HMCN1: variants seen among roughly 807,000 people sequenced by gnomAD.
HMCN1 encodes hemicentin 1.
In HMCN1, 321 loss-of-function variants were observed where a neutral mutation model predicts 625.9. The ratio of observed to expected loss-of-function variants is 0.51; its 90% CI spans 0.47 to 0.56. The LOEUF is 0.56. Among genes scored for constraint, HMCN1 ranks in the 20% least tolerant of loss-of-function variants. The pLI is 0.00. For synonymous variants in HMCN1, 2,425 were observed against 2,417.6 expected, an observed-to-expected ratio of 1.00 and a Z score of -0.09; for missense variants, 6,588 against 6,887.3, an observed-to-expected ratio of 0.96 and a Z score of 1.54.
chr1:186,151,700 C>T lies in HMCN1; in HGVS notation c.14853C>T (p.Thr4951=), dbSNP rs1650674909. The T allele has an allele frequency of 6.2e-7, 1 of 1,613,604 alleles. No homozygotes were observed. The highest frequency in any genetic ancestry group is 1.7e-5 in the Admixed American group (1 of 60,012). The change falls in exon 95 of 107, where the codon ACC becomes ACT. Residue 4951 remains threonine, a synonymous_variant. Transcript: ENST00000271588. ...AAGCAGTCAATGGCTTTACCCTCAC[C>T]AATGCAGTCTTCAAAAGAGAAACTC... The part of the protein sequence containing the change: ...IGEAVNGFTL[T]NAVFKRETQV...
intron 4 of HMCN1, 114 bp from the exon 5 acceptor site, chr1:185,909,223 C>A: frequency 1.3e-6 from 1 of 770,060 alleles, no homozygotes; most frequent in Admixed American, 2.0e-5. Context: ...ATAAATTTCA[C>A]ACCAGTCCAG....
chr1:186,174,473 G>C, intron 102 of HMCN1, 41 bp from the exon 103 acceptor site: 1 of 1,611,528 alleles, frequency 6.2e-7, no homozygotes, highest in Non-Finnish European at 8.5e-7. Flanking sequence ...CTTTGGGTTT[G>C]AAAGAGGAAA....
chr1:185,879,472 CAT>C (rs1664159746), intron 4 of HMCN1, among the ~76,000 whole-genome samples: 2 of 152,220 alleles, frequency 1.3e-5, no homozygotes, highest in African/African-American at 2.4e-5. Context: ...TTGCCTGACT[CAT>C]GTGATCTTTT....
At chr1:186,087,768 C>T in intron 60 of HMCN1, 123 bp downstream of exon 60, 2 of 1,169,414 alleles carry the variant, frequency 1.7e-6, no homozygotes, top group Non-Finnish European at 2.5e-6. Context: ...AAATACATAG[C>T]CAATGCCATT....
chr1:186,086,148 AGTCC>A (rs1329905227), intron 57 of HMCN1, 94 bp from the exon 58 acceptor site: 4 of 1,097,800 alleles, frequency 3.6e-6, no homozygotes, highest in Non-Finnish European at 5.5e-6. Flanking sequence ...TCGTTAACTC[AGTCC>A]TTTAGCAGAG....
intron 28 of HMCN1, among the ~76,000 whole-genome samples, chr1:186,003,478 T>C (rs1231011338): frequency 2.0e-5 from 3 of 152,136 alleles, no homozygotes; most frequent in African/African-American, 7.2e-5. Flanking sequence ...ATGAACCCTA[T>C]ACTGTCATAA....
chr1:185,819,610 A>C (rs948965967), intron 1 of HMCN1, among the ~76,000 whole-genome samples: 3 of 152,036 alleles, frequency 2.0e-5, no homozygotes, highest in Non-Finnish European at 4.4e-5. Flanking sequence ...ATAATTTTGC[A>C]CCTGCTTCTT....
At chr1:186,058,689 A>C (rs1028204700) in intron 46 of HMCN1, among the ~76,000 whole-genome samples, 1 of 152,016 alleles carries the variant, frequency 6.6e-6, no homozygotes, top group African/African-American at 2.4e-5. Context: ...TAAACAACTT[A>C]AAAGATTATT....
At chr1:186,068,773 G>A (rs1006842078) in intron 50 of HMCN1, among the ~76,000 whole-genome samples, 1 of 151,536 alleles carries the variant, frequency 6.6e-6, no homozygotes, top group Admixed American at 6.6e-5. Context: ...GGAGGCTGAG[G>A]CAGGAGAATC....
At chr1:185,846,665 G>A (rs547922524) in intron 2 of HMCN1, among the ~76,000 whole-genome samples, 4 of 152,186 alleles carry the variant, frequency 2.6e-5, no homozygotes, top group East Asian at 3.9e-4. Context: ...TGGCTTTTCC[G>A]AGGCTGTTTC....
chr1:186,130,177 G>A, intron 84 of HMCN1, 77 bp downstream of exon 84: 1 of 1,560,520 alleles, frequency 6.4e-7, no homozygotes, highest in Non-Finnish European at 8.8e-7. Context: ...TTATTTTATG[G>A]TAATAAAATA....
At chr1:186,081,639 C>T (rs972331240) in intron 56 of HMCN1, among the ~76,000 whole-genome samples, 2 of 152,124 alleles carry the variant, frequency 1.3e-5, no homozygotes, top group African/African-American at 4.8e-5. Flanking sequence ...CCTCAATTGA[C>T]TACAATATGG....
chr1:185,994,488 TTTACAA>T, intron 23 of HMCN1, among the ~76,000 whole-genome samples: 1 of 152,288 alleles, frequency 6.6e-6, no homozygotes, highest in South Asian at 2.1e-4. Context: ...GCTAAAATTA[TTTACAA>T]ATTAAAAGAA....
At chr1:185,933,111 AC>A (rs1394912302) in intron 10 of HMCN1, among the ~76,000 whole-genome samples, 4 of 151,382 alleles carry the variant, frequency 2.6e-5, no homozygotes, top group African/African-American at 9.7e-5. Flanking sequence ...TGAGACTGTA[AC>A]CCCCCTTAAA....
intron 36 of HMCN1, among the ~76,000 whole-genome samples, chr1:186,034,500 A>G (rs1037895179): frequency 5.3e-5 from 8 of 152,214 alleles, no homozygotes; most frequent in Non-Finnish European, 8.8e-5. Context: ...CTGGTTAAAT[A>G]AAGTCAAATC....
Position 185,782,714 on chromosome 1 carries a change from C to T in HMCN1, c.268+47667C>T, listed in dbSNP as rs142304404. 9.0e-3 allele frequency among the ~76,000 whole-genome samples: 1,374 copies of T among 152,308 alleles called. 14 individuals carry two copies. The highest frequency in any genetic ancestry group is 0.029 in the African/African-American group (1,219 of 41,566). ...CTTGTAGAGTTTCTGCTGAGAGATC[C>T]GCTGTTAGTCTGATGGGCTTCCCTT... On this transcript the variant is annotated intron_variant, in intron 1 of 106. Coordinates refer to ENST00000271588, the MANE Select transcript of HMCN1 (RefSeq NM_031935.3).
chr1:185,863,481 G>T (rs181603076), intron 2 of HMCN1, among the ~76,000 whole-genome samples: 1 of 152,286 alleles, frequency 6.6e-6, no homozygotes, highest in East Asian at 1.9e-4. Context: ...TATTTCAACA[G>T]CAGTGAAATG....
In HMCN1 at chr1:186,187,883, A is replaced by C. The variant is rs774106140; in HGVS notation, c.16415A>C (p.Asp5472Ala). 1.2e-6 allele frequency: 2 copies of C among 1,613,652 alleles called. No homozygotes were observed. The highest frequency in any genetic ancestry group is 1.1e-5 in the South Asian group (1 of 91,078). The change falls in exon 106 of 107, where the codon GAT becomes GCT. Residue 5472 changes from aspartate to alanine, a missense_variant and splice_region_variant. By Grantham distance (126) the Asp-to-Ala change is moderately radical. Transcript: ENST00000271588. ...QLTHNGKTCQ[D>A]IDECLEQNVH... ...TGCATGTTCCCTGTGCTGTCCCTAG[A>C]TATCGATGAATGTCTGGAGCAGAAT...
intron 24 of HMCN1, among the ~76,000 whole-genome samples, chr1:185,996,004 T>G (rs1386214236): frequency 6.6e-6 from 1 of 152,168 alleles, no homozygotes; most frequent in East Asian, 1.9e-4. Context: ...CATTGTAGTT[T>G]TGTTGGATGG....
Sources: allele counts gnomAD v4.1 joint callset (sites outside exome capture counted in the v4.1 genomes callset), GRCh38; gene constraint gnomAD v4.1.1; transcripts MANE v1.5; gene names NCBI Gene and HGNC (gene_info 2026-07-23, HGNC 2026-07-21).